Variants in HIPK2 observed in about 807,000 individuals in gnomAD.
HIPK2 encodes homeodomain interacting protein kinase 2, also known as homeodomain-interacting protein kinase 2.
HIPK2 carries 27 observed loss-of-function variants against 113.7 expected under a neutral mutation model. The observed-to-expected ratio is 0.24, with a 90% CI of 0.17 to 0.33. The LOEUF is 0.33. HIPK2 is among the 10% of genes least tolerant of loss of function. The pLI is 1.00. For synonymous variants in HIPK2, 631 were observed against 642.2 expected, an observed-to-expected ratio of 0.98 and a Z score of 0.26; for missense variants, 1,257 against 1,588.0, an observed-to-expected ratio of 0.79 and a Z score of 3.54.
chr7:139,734,958 C>T (rs572576933), intron 1 of HIPK2, among the ~76,000 whole-genome samples: 93 of 152,202 alleles, frequency 6.1e-4, no homozygotes, highest in South Asian at 1.9e-3. Flanking sequence ...TCCAAAATGA[C>T]GTAAAATGTA....
At position 139,572,937 on chromosome 7, in the gene HIPK2, G is replaced by C; in HGVS notation, c.3587C>G (p.Pro1196Arg). 2.1e-6 allele frequency: 2 copies of C among 942,500 alleles called. 1 individual carries two copies. The allele number at this position is 942,500 out of a possible 1,614,324, so 58.4% of individuals were successfully genotyped here. The change falls in exon 15 of 15, where the codon CCT (proline) becomes CGT (arginine). Residue 1196 changes from proline to arginine, a missense_variant. This residue lies in a region of HIPK2 where 862 missense variants were observed against 1,004.3 expected (regional missense o/e 0.86). Coordinates refer to ENST00000406875, the MANE Select transcript of HIPK2 (RefSeq NM_022740.5). ...PLSPAKVNQYPYI is the reference protein window; with the variant it reads ...PLSPAKVNQYRYI ...CCTCCCCTCCAGTGTTTATATGTAA[G>C]GGTACTGGTTGACCTTGGCGGGGCT...
chr7:139,703,035 C>A (rs949204020), intron 2 of HIPK2, among the ~76,000 whole-genome samples: 1 of 152,134 alleles, frequency 6.6e-6, no homozygotes, highest in East Asian at 1.9e-4. Flanking sequence ...CCTGGCCATC[C>A]TGTGACAGGA....
chr7:139,776,183 C>T (rs1440463399), intron 1 of HIPK2, among the ~76,000 whole-genome samples: 1 of 152,028 alleles, frequency 6.6e-6, no homozygotes, highest in Non-Finnish European at 1.5e-5. Flanking sequence ...TTTGTTTTGT[C>T]GAATGGTTAA....
intron 2 of HIPK2, among the ~76,000 whole-genome samples, chr7:139,703,118 C>T (rs1202003786): frequency 1.3e-5 from 2 of 152,074 alleles, no homozygotes; most frequent in Non-Finnish European, 1.5e-5. Context: ...AGGCATGGTA[C>T]GGCTTATGGG....
intron 9 of HIPK2, among the ~76,000 whole-genome samples, chr7:139,609,494 GTATT>G (rs1799739455): frequency 6.6e-6 from 1 of 152,182 alleles, no homozygotes; most frequent in Non-Finnish European, 1.5e-5. Flanking sequence ...AAGATTTTCA[GTATT>G]TAGAGAAAAA....
chr7:139,670,274 C>G (rs1226904337), intron 2 of HIPK2, among the ~76,000 whole-genome samples: 2 of 152,042 alleles, frequency 1.3e-5, no homozygotes, highest in Non-Finnish European at 2.9e-5. Flanking sequence ...CATTGCCACC[C>G]AGCTCTTCAT....
chr7:139,685,402 A>C (rs190672351), intron 2 of HIPK2, among the ~76,000 whole-genome samples: 1 of 152,112 alleles, frequency 6.6e-6, no homozygotes, highest in Admixed American at 6.5e-5. Flanking sequence ...GGCTCAAGCA[A>C]TCCTCCTTCC....
At chr7:139,748,605 C>T (rs565981158) in intron 1 of HIPK2, among the ~76,000 whole-genome samples, 7 of 152,062 alleles carry the variant, frequency 4.6e-5, no homozygotes, top group Non-Finnish European at 8.8e-5. Flanking sequence ...TCCCTGTGGG[C>T]GTGTCTGTGT....
chr7:139,730,883 C>T (rs915959146), intron 1 of HIPK2, among the ~76,000 whole-genome samples: 3 of 152,090 alleles, frequency 2.0e-5, no homozygotes, highest in African/African-American at 7.2e-5. Context: ...AGAGTGCGGG[C>T]CACACATCGA....
chr7:139,647,272 A>T (rs1468879052), intron 2 of HIPK2, among the ~76,000 whole-genome samples: 1 of 152,134 alleles, frequency 6.6e-6, no homozygotes, highest in Non-Finnish European at 1.5e-5. Context: ...CGGTGTCTGC[A>T]GACATTGGGT....
rs1451921076 is a variant in HIPK2, at chr7:139,565,703, T to G, written c.*7224A>C. 6.6e-6 allele frequency: 1 copy of G among 151,310 alleles called. No individual in the cohort carries two copies. Among genetic ancestry groups the G allele is most frequent in the Non-Finnish European group, 1.5e-5 (1 of 67,886 alleles). The allele number at this position is 151,310 out of a possible 1,614,324, so 9.4% of individuals were successfully genotyped here. ...GTCTTGTCTTTCTTCCACCTCTACT[T>G]CTTTTTTTTTTTCTTTTTTTTTTCT... On this transcript the variant is annotated 3_prime_UTR_variant, in exon 15 of 15. Coordinates refer to ENST00000406875, the MANE Select transcript of HIPK2 (RefSeq NM_022740.5).
intron 1 of HIPK2, among the ~76,000 whole-genome samples, chr7:139,717,874 G>C (rs559892355): frequency 6.6e-6 from 1 of 151,970 alleles, no homozygotes; most frequent in Non-Finnish European, 1.5e-5. Flanking sequence ...GCCTCCAAAG[G>C]CTGGGATTAT....
chr7:139,707,760 T>C (rs2116895314), intron 2 of HIPK2, among the ~76,000 whole-genome samples: 1 of 152,340 alleles, frequency 6.6e-6, no homozygotes, highest in Non-Finnish European at 1.5e-5. Context: ...ACATGAGAGT[T>C]ACAGCTCCAA....
intron 2 of HIPK2, among the ~76,000 whole-genome samples, chr7:139,699,749 T>C (rs1476586992): frequency 2.0e-5 from 3 of 152,202 alleles, no homozygotes; most frequent in African/African-American, 7.2e-5. Context: ...ATCCCTCCCA[T>C]TGACATTCTC....
chr7:139,674,303 G>T (rs1392481876), intron 2 of HIPK2, among the ~76,000 whole-genome samples: 1 of 152,060 alleles, frequency 6.6e-6, no homozygotes, highest in Non-Finnish European at 1.5e-5. Context: ...GTGGGTGTTT[G>T]GTTTTTCAAT....
rs150247661 is a variant in HIPK2 at position 139,767,469 on chromosome 7, T to C, written c.19+10136A>G. ...GAGCCTGGCTCTGTGGGTAGACAAG[T>C]GGGAAAAAATAAATAGGTGGAAGCA... is the stretch of plus-strand genomic sequence containing the variant. On this transcript the variant is annotated intron_variant, in intron 1 of 14. Coordinates refer to ENST00000406875, the MANE Select transcript of HIPK2 (RefSeq NM_022740.5). Among the ~76,000 whole-genome samples the C allele has an allele frequency of 1.6e-3, 246 of 151,774 alleles. 6 individuals carry two copies. The East Asian group carries it at 0.036, about 22-fold the overall frequency.
chr7:139,626,623 G>C lies in HIPK2; in HGVS notation c.1597C>G (p.Leu533Val). 1 of 1,613,918 alleles carries C rather than the reference G, an allele frequency of 6.2e-7. No individual in the cohort carries two copies. Among genetic ancestry groups the C allele is most frequent in the Non-Finnish European group, 8.5e-7 (1 of 1,179,826 alleles). Reference sequence around the variant, plus strand: ...TACTGTGTGCTGTGGGGAAAATCGAGTAAGTGTGTCATGGTGACAAAGGGA... The same window carrying C: ...TACTGTGTGCTGTGGGGAAAATCGACTAAGTGTGTCATGGTGACAAAGGGA... The part of the protein sequence containing the change: ...NHPFVTMTHL[L>V]DFPHSTHVKS... Residue 533 changes from leucine (L) to valine (V), a missense_variant, in exon 6 of 15, where the codon CTC becomes GTC. Around this residue, in one of 5 missense-constraint regions of HIPK2, gnomAD observed 862 missense variants for 1,004.3 expected, o/e 0.86. Coordinates refer to ENST00000406875, the MANE Select transcript of HIPK2 (RefSeq NM_022740.5).
chr7:139,628,168 C>T (rs560061110), intron 5 of HIPK2, among the ~76,000 whole-genome samples: 90 of 152,308 alleles, frequency 5.9e-4, no homozygotes, highest in African/African-American at 1.9e-3. Context: ...GGGAGACAGA[C>T]ACGGATGCTC....
At chr7:139,760,128 G>A (rs1174141389) in intron 1 of HIPK2, among the ~76,000 whole-genome samples, 4 of 151,450 alleles carry the variant, frequency 2.6e-5, no homozygotes, top group Non-Finnish European at 5.9e-5. Context: ...TCAGCCTCCC[G>A]AGTAGCTGGG....
Sources: allele counts gnomAD v4.1 joint callset (sites outside exome capture counted in the v4.1 genomes callset), GRCh38; gene constraint gnomAD v4.1.1; regional missense constraint gnomAD v4.1.1; transcripts MANE v1.5; gene names NCBI Gene and HGNC (gene_info 2026-07-23, HGNC 2026-07-21).